Variants in ZNF202 observed in about 807,000 individuals in gnomAD.
ZNF202 encodes zinc finger protein 202, also known as zinc finger protein with KRAB and SCAN domains 10.
A neutral mutation model predicts 54.5 loss-of-function variants in ZNF202; 22 were observed. The observed-to-expected ratio is 0.40, with a 90% CI of 0.29 to 0.58. The LOEUF is 0.58. ZNF202 is among the 20% of genes least tolerant of loss of function. The pLI is 0.39. For synonymous variants in ZNF202, 294 were observed against 301.4 expected, an observed-to-expected ratio of 0.98 and a Z score of 0.26; for missense variants, 644 against 805.5, an observed-to-expected ratio of 0.80 and a Z score of 2.43.
chr11:123,739,621 G>GT (rs373784085), intron 3 of ZNF202: 41 of 152,300 alleles, frequency 2.7e-4, no homozygotes, highest in African/African-American at 9.9e-4. Flanking sequence ...GCATTCAGTT[G>GT]TTTTAAGTAC....
intron 3 of ZNF202, among the ~76,000 whole-genome samples, chr11:123,735,067 C>CA: frequency 6.6e-6 from 1 of 151,954 alleles, no homozygotes; most frequent in Non-Finnish European, 1.5e-5. Context: ...TTAATAAGCG[C>CA]AAAATCAGAC....
intron 8 of ZNF202, 140 bp from the exon 9 acceptor site, chr11:123,727,131 T>C (rs1861187210): frequency 1.8e-6 from 2 of 1,120,068 alleles, no homozygotes; most frequent in Non-Finnish European, 2.5e-6. Context: ...TTTCTCATAT[T>C]GTTATGCTAT....
Position 123,729,534 on chromosome 11 carries a change from G to C in ZNF202, c.613+81C>G, listed in dbSNP as rs547385719. Reference sequence around the variant, plus strand: ...ACAGTCTATCTACCCAGCTTCCTTGGTATAGGAGAAATGTCCGAGAAATGT... The same window carrying C: ...ACAGTCTATCTACCCAGCTTCCTTGCTATAGGAGAAATGTCCGAGAAATGT... On this transcript the variant is annotated intron_variant, in intron 5 of 8. Coordinates refer to ENST00000530393, the MANE Select transcript of ZNF202 (RefSeq NM_003455.4). The C allele has an allele frequency of 8.1e-5, 112 of 1,391,192 alleles. 3 individuals are homozygous for C. The African/African-American group carries it at 1.4e-3, about 18-fold the overall frequency. 86.2% of individuals were successfully genotyped at this position (1,391,192 alleles called of 1,614,324 possible).
At position 123,725,045 on chromosome 11, in the gene ZNF202, A is replaced by G. The variant is rs1488435807; in HGVS notation, c.*952T>C. The G allele has an allele frequency of 6.6e-6, 1 of 152,080 alleles. No homozygotes were observed. Among genetic ancestry groups the G allele is most frequent in the African/African-American group, 2.4e-5 (1 of 41,404 alleles). 9.4% of individuals were successfully genotyped at this position (152,080 alleles called of 1,614,324 possible). A position where few individuals can be genotyped will look rare whatever the true frequency, so the allele number is the denominator to read the frequency against. ...AAGTTGACAGTTTCCAAATCCCCTT[A>G]CTCATACGACCCCTGTGAAGGGGGG... On this transcript the variant is annotated 3_prime_UTR_variant, in exon 9 of 9. Transcript: ENST00000530393.
chr11:123,726,349 A>G lies in ZNF202; in HGVS notation c.1595T>C (p.Leu532Pro). 6.2e-7 allele frequency: 1 copy of G among 1,614,218 alleles called. No individual in the cohort carries two copies. The highest frequency in any genetic ancestry group is 1.1e-5 in the South Asian group (1 of 91,082). ...TCCACACAAGTAGGGTTTGCCTCCC[A>G]GGTGGATTCTTTGGTGTGTTGTTAA... ...SVLTTHQRIHLGGKPYLCGEC... is the reference protein window; with the variant it reads ...SVLTTHQRIHPGGKPYLCGEC... Residue 532 changes from leucine (L) to proline (P), a missense_variant, in exon 9 of 9, where the codon CTG becomes CCG. This residue lies in a region of ZNF202 where 536 missense variants were observed against 635.3 expected (regional missense o/e 0.84). Transcript: ENST00000530393. The surrounding 1 kb of genome is among the most constrained non-coding windows in gnomAD (Gnocchi z 6.0).
rs144471098 is a variant in ZNF202, at chr11:123,728,251, C to G, written c.714G>C (p.Thr238=). The G allele has an allele frequency of 2.5e-6, 4 of 1,609,704 alleles. No individual in the cohort carries two copies. The highest frequency in any genetic ancestry group is 3.4e-6 in the Non-Finnish European group (4 of 1,177,690). The change falls in exon 7 of 9, where the codon ACG becomes ACC. Residue 238 remains threonine, a synonymous_variant. Coordinates refer to ENST00000530393, the MANE Select transcript of ZNF202 (RefSeq NM_003455.4). ...LLTALSQGLV[T]FKDVAVCFSQ... is the part of the protein sequence containing the mutation. ...AAAAGCATACGGCCACATCCTTGAA[C>G]GTTACCAGTCCCTGAAACCACATAA... is the stretch of plus-strand genomic sequence containing the variant.
chr11:123,738,536 G>A (rs1861725394), intron 3 of ZNF202: 1 of 98,770 alleles, frequency 1.0e-5, no homozygotes, highest in South Asian at 3.5e-4. Flanking sequence ...CACCCATCCT[G>A]ATAAGAGTAA....
intron 3 of ZNF202, among the ~76,000 whole-genome samples, chr11:123,739,904 T>C (rs893368493): frequency 1.3e-5 from 2 of 152,156 alleles, no homozygotes; most frequent in Admixed American, 6.5e-5. Flanking sequence ...CCCAGCAATA[T>C]GCGTTTAACT....
At chr11:123,735,065 C>T (rs923359550) in intron 3 of ZNF202, among the ~76,000 whole-genome samples, 2 of 151,908 alleles carry the variant, frequency 1.3e-5, no homozygotes, top group African/African-American at 2.4e-5. Flanking sequence ...TTTTAATAAG[C>T]GCAAAATCAG....
In ZNF202 at chr11:123,729,106, C is replaced by T; in HGVS notation, c.702+20G>A. The T allele has an allele frequency of 6.2e-7, 1 of 1,612,520 alleles. No homozygotes were observed. Among genetic ancestry groups the T allele is most frequent in the Admixed American group, 1.7e-5 (1 of 59,906 alleles). ...TTCTTCAAACAAATTCTCTGTGGTA[C>T]AGAGGTAACTAGGGCACACCTGTGA... On this transcript the variant is annotated intron_variant, in intron 6 of 8. Transcript: ENST00000530393.
rs968125578 is a variant in ZNF202, at chr11:123,725,058, CT to C, written c.*938del. ...CCAAATCCCCTTACTCATACGACCC[CT>C]GTGAAGGGGGGTGTGAAGGGGTTGG... On this transcript the variant is annotated 3_prime_UTR_variant, in exon 9 of 9. Coordinates refer to ENST00000530393, the MANE Select transcript of ZNF202 (RefSeq NM_003455.4). The C allele has an allele frequency of 6.6e-6, 1 of 152,162 alleles. No individual in the cohort carries two copies. Among genetic ancestry groups the C allele is most frequent in the African/African-American group, 2.4e-5 (1 of 41,428 alleles). The allele number at this position is 152,162 out of a possible 1,614,324, so 9.4% of individuals were successfully genotyped here. A position where few individuals can be genotyped will look rare whatever the true frequency, so the allele number is the denominator to read the frequency against.
chr11:123,726,715 G>C lies in ZNF202; in HGVS notation c.1229C>G (p.Ser410Cys). The C allele has an allele frequency of 6.2e-7, 1 of 1,614,210 alleles. No individual in the cohort carries two copies. Among genetic ancestry groups the C allele is most frequent in the East Asian group, 2.2e-5 (1 of 44,878 alleles). Residue 410 changes from serine (S) to cysteine (C), a missense_variant, in exon 9 of 9, where the codon TCC (serine) becomes TGC (cysteine). Ser to Cys is a moderately radical substitution (Grantham distance 112). This residue lies in a region of ZNF202 where 536 missense variants were observed against 635.3 expected (regional missense o/e 0.84). Transcript: ENST00000530393. The surrounding 1 kb of genome is among the most constrained non-coding windows in gnomAD (Gnocchi z 6.0). ...SVCGKSFTCN[S>C]HLVRHLRTHT... is the part of the protein sequence containing the mutation. ...AGTCCTCAGGTGTCTAACAAGGTGG[G>C]AGTTACAAGTGAAGCTCTTTCCACA...
chr11:123,727,630 G>C (rs1287868653), intron 7 of ZNF202, 35 bp from the exon 8 acceptor site: 1 of 1,612,850 alleles, frequency 6.2e-7, no homozygotes, highest in Non-Finnish European at 8.5e-7. Context: ...TATCACGATT[G>C]GCTCAACAAT....
At position 123,740,102 on chromosome 11, in the gene ZNF202, A is replaced by G. The variant is rs1231762960; in HGVS notation, c.-98+15T>C. ...CAAATTTACTGGGAAAAAAAAATGT[A>G]AACCTGTAACTTACCTCATCTGTAC... On this transcript the variant is annotated intron_variant, in intron 3 of 8. Transcript: ENST00000530393. 1 of 152,246 alleles carries G rather than the reference A, an allele frequency of 6.6e-6. No individual in the cohort carries two copies. The highest frequency in any genetic ancestry group is 1.5e-5 in the Non-Finnish European group (1 of 68,032). The allele number at this position is 152,246 out of a possible 1,614,324, so 9.4% of individuals were successfully genotyped here. A position where few individuals can be genotyped will look rare whatever the true frequency, so the allele number is the denominator to read the frequency against.
At chr11:123,729,459 T>C (rs1358227727) in intron 5 of ZNF202, among the ~76,000 whole-genome samples, 156 bp downstream of exon 5, 1 of 152,222 alleles carries the variant, frequency 6.6e-6, no homozygotes, top group Non-Finnish European at 1.5e-5. Flanking sequence ...GGACTCTAGC[T>C]GGCGGTACTG....
At position 123,726,045 on chromosome 11, in the gene ZNF202, T is replaced by C; in HGVS notation, c.1899A>G (p.Gly633=). 6.2e-7 allele frequency: 1 copy of C among 1,614,120 alleles called. No individual in the cohort carries two copies. Among genetic ancestry groups the C allele is most frequent in the Non-Finnish European group, 8.5e-7 (1 of 1,180,008 alleles). Residue 633 remains glycine, a synonymous_variant, in exon 9 of 9, where the codon GGA becomes GGG. Coordinates refer to ENST00000530393, the MANE Select transcript of ZNF202 (RefSeq NM_003455.4). This position sits in a 1 kb window ranked among gnomAD's most constrained non-coding sequence, Gnocchi z 6.0. ...TCCTCTGATGCCTAATTAAGTGATA[T>C]CCTCTGCTGAAGCTTTTTCCACAGG... ...CPTCGKSFSR[G]YHLIRHQRTH...
rs766984415 is a variant in ZNF202 at position 123,726,858 on chromosome 11, T to C, written c.1086A>G (p.Pro362=). 1 of 1,614,118 alleles carries C rather than the reference T, an allele frequency of 6.2e-7. No homozygotes were observed. The change falls in exon 9 of 9, where the codon CCA becomes CCG. Residue 362 remains proline (P), a synonymous_variant. Transcript: ENST00000530393. This position sits in a 1 kb window ranked among gnomAD's most constrained non-coding sequence, Gnocchi z 6.0. The part of the protein sequence containing the change: ...PDWEIVFEDN[P]GRLNERRFGT... The stretch of plus-strand genomic sequence containing the variant: ...CAAATCTTCTTTCATTAAGTCTACC[T>C]GGATTGTCCTCAAAGACTATTTCCC...
intron 5 of ZNF202, 132 bp from the exon 6 acceptor site, chr11:123,729,346 C>A: frequency 1.1e-6 from 1 of 951,308 alleles, no homozygotes. Flanking sequence ...AAGAAACTGG[C>A]CTAAGGGTAG....
At position 123,726,295 on chromosome 11, in the gene ZNF202, C is replaced by T. The variant is rs982082630; in HGVS notation, c.1649G>A (p.Arg550Lys). Residue 550 changes from arginine to lysine, a missense_variant, in exon 9 of 9, where the codon AGG becomes AAG. Arg to Lys is a conservative substitution (Grantham distance 26). This residue lies in a region of ZNF202 where 536 missense variants were observed against 635.3 expected (regional missense o/e 0.84). Transcript: ENST00000530393. This position sits in a 1 kb window ranked among gnomAD's most constrained non-coding sequence, Gnocchi z 6.0. ...GECGEDFSEH[R>K]RYLAHRKTHA... ...CGTCTTCCGGTGCGCCAGGTACCGCCTGTGTTCACTGAAGTCCTCACCACA... is the reference window on the plus strand; with the variant it reads ...CGTCTTCCGGTGCGCCAGGTACCGCTTGTGTTCACTGAAGTCCTCACCACA... The T allele has an allele frequency of 1.9e-6, 3 of 1,614,112 alleles. No homozygotes were observed. Among genetic ancestry groups the T allele is most frequent in the Non-Finnish European group, 2.5e-6 (3 of 1,180,050 alleles).
Sources: gnomAD v4.1 joint callset for allele counts (sites outside exome capture counted in the v4.1 genomes callset) on GRCh38, gnomAD v4.1.1 for gene constraint, gnomAD v4.1.1 regional missense constraint, Gnocchi (gnomAD v3.1) non-coding constraint, MANE v1.5 for transcripts, NCBI Gene and HGNC (gene_info 2026-07-23, HGNC 2026-07-21) for gene names.